ADAMTSL3: variants seen among roughly 807,000 people sequenced by gnomAD.
The protein encoded by ADAMTSL3 is ADAMTS like 3, also known as ADAMTS-like protein 3.
ADAMTSL3 carries 128 observed loss-of-function variants against 201.7 expected under a neutral mutation model. That is an observed-to-expected ratio of 0.63 (90% CI 0.55 to 0.73). The LOEUF is 0.73. ADAMTSL3 is among the 30% of genes least tolerant of loss of function. ADAMTSL3 has a pLI of 0.00. For missense variants in ADAMTSL3, 1,990 were observed against 2,119.6 expected (o/e 0.94, Z 1.20); for synonymous variants, 738 against 748.4 (o/e 0.99, Z 0.23).
At chr15:83,670,258 C>CAAAAAA (rs60947988) in intron 2 of ADAMTSL3, among the ~76,000 whole-genome samples, 12 of 64,520 alleles carry the variant, frequency 1.9e-4, no homozygotes, top group East Asian at 5.2e-4. Context: ...ACTCTGTCTC[C>CAAAAAA]AAAAAAAAAA....
chr15:83,801,151 CAG>C (rs2063508255), intron 4 of ADAMTSL3, among the ~76,000 whole-genome samples: 1 of 152,046 alleles, frequency 6.6e-6, no homozygotes, highest in African/African-American at 2.4e-5. Context: ...ATTTTAAAAA[CAG>C]AAATATGCAG....
chr15:83,800,831 A>G (rs1469055509), intron 4 of ADAMTSL3, among the ~76,000 whole-genome samples: 4 of 152,114 alleles, frequency 2.6e-5, no homozygotes, highest in African/African-American at 9.7e-5. Flanking sequence ...ACTTCCCTCA[A>G]CTGGGGCTTT....
intron 3 of ADAMTSL3, among the ~76,000 whole-genome samples, chr15:83,733,598 G>A (rs567774091): frequency 6.6e-5 from 10 of 152,202 alleles, no homozygotes; most frequent in South Asian, 4.1e-4. Context: ...AAAACAACTC[G>A]CTCTGTAATA....
chr15:84,035,739 TATCTC>T (rs1449576887), intron 28 of ADAMTSL3, among the ~76,000 whole-genome samples: 1 of 152,228 alleles, frequency 6.6e-6, no homozygotes, highest in Non-Finnish European at 1.5e-5. Context: ...ATAACAAAAA[TATCTC>T]ATAGAATCCA....
chr15:83,877,795 T>C (rs1173173307), intron 9 of ADAMTSL3, among the ~76,000 whole-genome samples: 1 of 152,226 alleles, frequency 6.6e-6, no homozygotes, highest in Non-Finnish European at 1.5e-5. Flanking sequence ...TCTATGTCAT[T>C]AATATCTTTT....
intron 3 of ADAMTSL3, among the ~76,000 whole-genome samples, chr15:83,734,249 T>TC (rs1264148322): frequency 6.6e-6 from 1 of 152,160 alleles, no homozygotes; most frequent in African/African-American, 2.4e-5. Context: ...ATTTAAAAGA[T>TC]CCCTCTCTTG....
At chr15:83,899,773 A>G (rs1216441205) in intron 15 of ADAMTSL3, 42 bp downstream of exon 15, 11 of 1,584,652 alleles carry the variant, frequency 6.9e-6, no homozygotes, top group African/African-American at 2.7e-5. Flanking sequence ...GGGCATAGCC[A>G]GTTAACATGA....
chr15:83,926,164 C>G (rs1418786040), intron 17 of ADAMTSL3, among the ~76,000 whole-genome samples: 2 of 152,152 alleles, frequency 1.3e-5, no homozygotes, highest in Non-Finnish European at 2.9e-5. Flanking sequence ...GACATAAACA[C>G]AGGCAGGAAT....
At chr15:83,686,268 TATC>T (rs1248798189) in intron 2 of ADAMTSL3, among the ~76,000 whole-genome samples, 1 of 152,188 alleles carries the variant, frequency 6.6e-6, no homozygotes, top group Non-Finnish European at 1.5e-5. Context: ...CAACCAATCA[TATC>T]GGTCAGTGTT....
intron 9 of ADAMTSL3, among the ~76,000 whole-genome samples, chr15:83,884,000 C>G (rs2065336341): frequency 6.6e-6 from 1 of 151,898 alleles, no homozygotes; most frequent in Non-Finnish European, 1.5e-5. Context: ...TCGAGCTATT[C>G]TCCTGCCTCA....
chr15:83,843,881 C>T (rs898829681), intron 7 of ADAMTSL3, among the ~76,000 whole-genome samples: 1 of 152,142 alleles, frequency 6.6e-6, no homozygotes, highest in African/African-American at 2.4e-5. Context: ...ATACAGATTT[C>T]CTGTTCAGAG....
intron 4 of ADAMTSL3, among the ~76,000 whole-genome samples, chr15:83,784,091 C>G (rs1253999260): frequency 6.6e-6 from 1 of 152,142 alleles, no homozygotes; most frequent in African/African-American, 2.4e-5. Flanking sequence ...GTCAGTGAAT[C>G]TCGTTTTTTA....
intron 15 of ADAMTSL3, among the ~76,000 whole-genome samples, chr15:83,902,196 C>T (rs1331142945): frequency 1.3e-5 from 2 of 152,182 alleles, no homozygotes; most frequent in African/African-American, 4.8e-5. Flanking sequence ...TAATTTGCTC[C>T]TGAATTGCTT....
At chr15:83,761,619 ATT>A (rs2062809734) in intron 3 of ADAMTSL3, among the ~76,000 whole-genome samples, 1 of 152,178 alleles carries the variant, frequency 6.6e-6, no homozygotes, top group Non-Finnish European at 1.5e-5. Flanking sequence ...AGACTTTTAA[ATT>A]TGGCAACCTG....
At chr15:83,810,438 C>G (rs1336007604) in intron 5 of ADAMTSL3, among the ~76,000 whole-genome samples, 1 of 152,242 alleles carries the variant, frequency 6.6e-6, no homozygotes, top group Non-Finnish European at 1.5e-5. Context: ...CCTCAGAGTT[C>G]TACCACCTTT....
At chr15:83,851,677 G>A (rs1462875276) in intron 7 of ADAMTSL3, among the ~76,000 whole-genome samples, 1 of 152,180 alleles carries the variant, frequency 6.6e-6, no homozygotes, top group Non-Finnish European at 1.5e-5. Context: ...AACATGTCAT[G>A]TATTCAATCA....
chr15:83,764,321 A>G (rs1596163353), intron 3 of ADAMTSL3, among the ~76,000 whole-genome samples: 1 of 152,176 alleles, frequency 6.6e-6, no homozygotes, highest in Non-Finnish European at 1.5e-5. Context: ...AAAATAGTCC[A>G]GTGAGTCAAT....
intron 3 of ADAMTSL3, among the ~76,000 whole-genome samples, chr15:83,743,161 A>G (rs2062483668): frequency 6.6e-6 from 1 of 152,118 alleles, no homozygotes; most frequent in South Asian, 2.1e-4. Flanking sequence ...TATCCCTTCT[A>G]TCATTCTGTC....
chr15:83,767,405 C>T (rs960672186), intron 3 of ADAMTSL3, among the ~76,000 whole-genome samples: 2 of 152,156 alleles, frequency 1.3e-5, no homozygotes, highest in Admixed American at 1.3e-4. Flanking sequence ...GTCCAAATAA[C>T]AACTTACCAT....
Sources: gnomAD v4.1 joint callset for allele counts (sites outside exome capture counted in the v4.1 genomes callset) on GRCh38, gnomAD v4.1.1 for gene constraint, MANE v1.5 for transcripts, NCBI Gene and HGNC (gene_info 2026-07-23, HGNC 2026-07-21) for gene names.